Variants in DESI2 observed in about 807,000 individuals in gnomAD.
The protein encoded by DESI2 is desumoylating isopeptidase 2, also known as deubiquitinase DESI2.
A neutral mutation model predicts 24.1 loss-of-function variants in DESI2; 10 were observed. The ratio of observed to expected loss-of-function variants is 0.41; its 90% CI spans 0.26 to 0.70. The LOEUF is 0.70. Among genes scored for constraint, DESI2 ranks in the 30% least tolerant of loss-of-function variants. The pLI, the probability that DESI2 is intolerant of heterozygous loss-of-function variation, is 0.29. For missense variants in DESI2, 122 were observed against 234.9 expected (o/e 0.52, Z 3.14); for synonymous variants, 71 against 87.7 (o/e 0.81, Z 1.06).
At chr1:244,701,088 A>G (rs532866502) in intron 4 of DESI2, among the ~76,000 whole-genome samples, 2 of 152,258 alleles carry the variant, frequency 1.3e-5, no homozygotes, top group South Asian at 4.1e-4. Flanking sequence ...AGAAGGAATC[A>G]ACATTTAATG....
intron 1 of DESI2, among the ~76,000 whole-genome samples, chr1:244,679,123 C>T (rs2813915): frequency 0.57 from 86,829 of 151,906 alleles, 25,677 homozygotes; most frequent in African/African-American, 0.73. Flanking sequence ...ACTGAAGCCT[C>T]GACCTCCTGG....
At chr1:244,670,959 T>C (rs1676223584) in intron 1 of DESI2, among the ~76,000 whole-genome samples, 1 of 152,226 alleles carries the variant, frequency 6.6e-6, no homozygotes, top group South Asian at 2.1e-4. Context: ...GCTCTTGGAA[T>C]CTAAACTGGA....
intron 1 of DESI2, among the ~76,000 whole-genome samples, chr1:244,667,381 T>C (rs1025341603): frequency 6.6e-6 from 1 of 152,104 alleles, no homozygotes; most frequent in Non-Finnish European, 1.5e-5. Flanking sequence ...CAAAATCCAG[T>C]GGGGCAGTCA....
chr1:244,661,210 T>C (rs1314972520), intron 1 of DESI2, among the ~76,000 whole-genome samples: 1 of 152,222 alleles, frequency 6.6e-6, no homozygotes, highest in Admixed American at 6.5e-5. Flanking sequence ...ATCATCATTC[T>C]GCTTTCTGTC....
chr1:244,653,601 T>A (rs1675539294), intron 1 of DESI2: 2 of 523,458 alleles, frequency 3.8e-6, no homozygotes, highest in Non-Finnish European at 6.7e-6. Context: ...ACCTCTCCCA[T>A]CCGCTCAGCT....
At chr1:244,659,714 G>A (rs1240569356) in intron 1 of DESI2, among the ~76,000 whole-genome samples, 1 of 152,162 alleles carries the variant, frequency 6.6e-6, no homozygotes, top group East Asian at 1.9e-4. Context: ...TCCTGATATT[G>A]AGGTCCATAA....
chr1:244,684,143 T>G (rs1298736128), intron 1 of DESI2, among the ~76,000 whole-genome samples: 2 of 152,212 alleles, frequency 1.3e-5, no homozygotes, highest in Non-Finnish European at 2.9e-5. Context: ...AATAGTCTTA[T>G]GCTTATGGTT....
At chr1:244,670,870 G>A (rs1676221093) in intron 1 of DESI2, among the ~76,000 whole-genome samples, 1 of 152,196 alleles carries the variant, frequency 6.6e-6, no homozygotes, top group Admixed American at 6.5e-5. Context: ...TTCAATTTGT[G>A]TTAGTTACAA....
Position 244,699,578 on chromosome 1 carries a change from C to CAAAAAAAAAAAAAAAAA in DESI2, c.352-5956_352-5940dup, listed in dbSNP as rs559295405. 2.6e-4 allele frequency among the ~76,000 whole-genome samples: 17 copies of CAAAAAAAAAAAAAAAAA among 66,194 alleles called. 1 individual carries two copies. Among genetic ancestry groups the CAAAAAAAAAAAAAAAAA allele is most frequent in the African/African-American group, 6.7e-4 (13 of 19,260 alleles). 43.4% of individuals were successfully genotyped at this position (66,194 alleles called of 152,430 possible). On this transcript the variant is annotated intron_variant, in intron 4 of 4. Transcript: ENST00000302550. Reference sequence around the variant, plus strand: ...GCCTAGCAACAGAGTGAGACTGTCTCAAAAAAAAAAAAAAAAAAAAAAAAA... The same window carrying CAAAAAAAAAAAAAAAAA: ...GCCTAGCAACAGAGTGAGACTGTCTCAAAAAAAAAAAAAAAAAAAAAAAAAAAAAAAAAAAAAAAAAA...
At chr1:244,679,335 A>G (rs962590203) in intron 1 of DESI2, among the ~76,000 whole-genome samples, 3 of 152,232 alleles carry the variant, frequency 2.0e-5, no homozygotes, top group African/African-American at 7.2e-5. Context: ...GGAGGCGAGG[A>G]CTAGATTATT....
At chr1:244,694,694 T>C in intron 4 of DESI2, 3 of 738,106 alleles carry the variant, frequency 4.1e-6, no homozygotes, top group Non-Finnish European at 7.5e-6. Context: ...TGCGACGCTT[T>C]CCAAACGATG....
chr1:244,700,921 A>G (rs188269522), intron 4 of DESI2, among the ~76,000 whole-genome samples: 57 of 152,336 alleles, frequency 3.7e-4, no homozygotes, highest in African/African-American at 1.3e-3. Context: ...TAGATACAGT[A>G]AAATTCATGT....
At chr1:244,660,014 C>T (rs1185936574) in intron 1 of DESI2, among the ~76,000 whole-genome samples, 6 of 152,290 alleles carry the variant, frequency 3.9e-5, no homozygotes, top group African/African-American at 1.2e-4. Context: ...AGTGGCATAC[C>T]GTTCCAGTGT....
chr1:244,680,158 C>T (rs1676559551), intron 1 of DESI2, among the ~76,000 whole-genome samples: 2 of 151,864 alleles, frequency 1.3e-5, no homozygotes, highest in Admixed American at 1.3e-4. Flanking sequence ...AAAAACCAAG[C>T]CATCCATGGC....
chr1:244,672,253 C>T lies in DESI2; in HGVS notation c.43-14344C>T, dbSNP rs117730168. 2.0e-5 allele frequency among the ~76,000 whole-genome samples: 3 copies of T among 152,246 alleles called. No individual in the cohort carries two copies. In the East Asian group the frequency reaches 5.8e-4, roughly 29 times the overall value. Reference sequence around the variant, plus strand: ...TCGCTCATGAATGACTTAGGGCCATCCCTTTGCTGATGAGTGAGTTCTCAC... The same window carrying T: ...TCGCTCATGAATGACTTAGGGCCATTCCTTTGCTGATGAGTGAGTTCTCAC... On this transcript the variant is annotated intron_variant, in intron 1 of 4. Transcript: ENST00000302550.
intron 4 of DESI2, among the ~76,000 whole-genome samples, chr1:244,692,750 T>TA (rs1677075707): frequency 6.6e-6 from 1 of 152,186 alleles, no homozygotes; most frequent in Non-Finnish European, 1.5e-5. Context: ...GCTTCTACAA[T>TA]ACAGCTTTCA....
Position 244,689,550 on chromosome 1 carries a change from C to T in DESI2, c.209+208C>T, listed in dbSNP as rs901203695. Among the ~76,000 whole-genome samples the T allele has an allele frequency of 4.0e-5, 6 of 151,656 alleles. No individual in the cohort carries two copies. Among genetic ancestry groups the T allele is most frequent in the African/African-American group, 4.8e-5 (2 of 41,258 alleles). On this transcript the variant is annotated intron_variant, in intron 3 of 4. Transcript: ENST00000302550. The surrounding 1 kb of genome is among the most constrained non-coding windows in gnomAD (Gnocchi z 4.0). Reference sequence around the variant, plus strand: ...TTTGAGATGGAGTCTCACTCTGTCTCCCAGGCTGGAGAGAAGTGGCGTGAT... The same window carrying T: ...TTTGAGATGGAGTCTCACTCTGTCTTCCAGGCTGGAGAGAAGTGGCGTGAT...
chr1:244,656,469 T>G (rs1675649681), intron 1 of DESI2: 2 of 152,244 alleles, frequency 1.3e-5, no homozygotes, highest in African/African-American at 4.8e-5. Flanking sequence ...TCAGTGATTA[T>G]GTTCCTCTGT....
At chr1:244,667,200 C>T (rs1573187454) in intron 1 of DESI2, among the ~76,000 whole-genome samples, 2 of 152,138 alleles carry the variant, frequency 1.3e-5, no homozygotes, top group Non-Finnish European at 2.9e-5. Flanking sequence ...CAAAAGTCCA[C>T]AGTCCAAAGT....
Sources: gnomAD v4.1 joint callset for allele counts (sites outside exome capture counted in the v4.1 genomes callset) on GRCh38, gnomAD v4.1.1 for gene constraint, Gnocchi (gnomAD v3.1) non-coding constraint, MANE v1.5 for transcripts, NCBI Gene and HGNC (gene_info 2026-07-23, HGNC 2026-07-21) for gene names.